CECR2: variants seen among roughly 807,000 people sequenced by gnomAD.
CECR2 encodes chromatin remodeling regulator CECR2.
A neutral mutation model predicts 154.5 loss-of-function variants in CECR2; 30 were observed. The ratio of observed to expected loss-of-function variants is 0.19; its 90% confidence interval spans 0.15 to 0.26. The LOEUF is 0.26. Among genes scored for constraint, CECR2 ranks in the 10% least tolerant of loss-of-function variants. The pLI is 1.00. For synonymous variants in CECR2, 725 were observed against 683.7 expected, an observed-to-expected ratio of 1.06 and a Z score of -0.94; for missense variants, 1,743 against 1,829.3, an observed-to-expected ratio of 0.95 and a Z score of 0.86.
intron 6 of CECR2, among the ~76,000 whole-genome samples, chr22:17,503,631 GT>G (rs2055779847): frequency 6.6e-6 from 1 of 152,184 alleles, no homozygotes; most frequent in Non-Finnish European, 1.5e-5. Context: ...TTTCTAGACT[GT>G]GAATATCTAT....
At chr22:17,380,301 C>A (rs2063172209) in intron 1 of CECR2, among the ~76,000 whole-genome samples, 1 of 152,114 alleles carries the variant, frequency 6.6e-6, no homozygotes, top group African/African-American at 2.4e-5. Context: ...ACTTCGTTAG[C>A]CATACACTCA....
At chr22:17,429,115 AGGG>A (rs1221673321) in intron 1 of CECR2, among the ~76,000 whole-genome samples, 1 of 152,052 alleles carries the variant, frequency 6.6e-6, no homozygotes, top group Non-Finnish European at 1.5e-5. Flanking sequence ...TTGGTGGGAT[AGGG>A]GAGAGTCTGG....
chr22:17,440,180 A>G (rs568467277), intron 1 of CECR2, among the ~76,000 whole-genome samples: 1 of 151,990 alleles, frequency 6.6e-6, no homozygotes, highest in Non-Finnish European at 1.5e-5. Flanking sequence ...AATGAATAGT[A>G]TGATTGTTTT....
intron 1 of CECR2, among the ~76,000 whole-genome samples, chr22:17,442,678 G>A (rs2054602952): frequency 6.6e-6 from 1 of 152,176 alleles, no homozygotes; most frequent in African/African-American, 2.4e-5. Flanking sequence ...CTCCCGAGTA[G>A]CTGGGATTAC....
In CECR2 at chr22:17,549,323, G is replaced by A; in HGVS notation, c.4036G>A (p.Gly1346Arg). ...ACCCCACAGTGTGATGCTGCAGACG[G>A]GGCCTCCCTATACCCCTCAGCGGCC... ...FPPHSVMLQT[G>R]PPYTPQRPAS... Residue 1346 changes from glycine to arginine, a missense_variant, in exon 17 of 19, where the codon GGG (glycine) becomes AGG (arginine). Coordinates refer to ENST00000262608, the MANE Select transcript of CECR2 (RefSeq NM_001290047.2). 1.2e-6 allele frequency: 2 copies of A among 1,613,882 alleles called. No homozygotes were observed. The highest frequency in any genetic ancestry group is 1.3e-5 in the African/African-American group (1 of 75,018).
chr22:17,548,897 G>A lies in CECR2; in HGVS notation c.3610G>A (p.Ala1204Thr), dbSNP rs765878345. Residue 1204 changes from alanine (A) to threonine (T), a missense_variant, in exon 17 of 19, where the codon GCC becomes ACC. This residue lies in a region of CECR2 where 1,250 missense variants were observed against 1,192.1 expected (regional missense o/e 1.05). Coordinates refer to ENST00000262608, the MANE Select transcript of CECR2 (RefSeq NM_001290047.2). ...YHHYQRTPYY[A>T]CPQSFSDWQR... ...CCACTATCAGCGAACTCCTTACTAT[G>A]CCTGTCCACAGAGCTTTTCTGACTG... 4 of 1,613,218 alleles carry A rather than the reference G, an allele frequency of 2.5e-6. No individual in the cohort carries two copies. The highest frequency in any genetic ancestry group is 1.7e-5 in the Admixed American group (1 of 59,940).
chr22:17,528,793 C>T (rs573768773), intron 9 of CECR2, among the ~76,000 whole-genome samples: 10 of 152,318 alleles, frequency 6.6e-5, no homozygotes, highest in Admixed American at 6.5e-4. Flanking sequence ...GCCTCAGCCT[C>T]CCAAAGTGCT....
At chr22:17,370,763 C>G (rs1487921988) in intron 1 of CECR2, among the ~76,000 whole-genome samples, 1 of 152,212 alleles carries the variant, frequency 6.6e-6, no homozygotes, top group East Asian at 1.9e-4. Flanking sequence ...GCGCGGCGCA[C>G]TCGGCGGCCA....
At chr22:17,386,296 G>A (rs1211030992) in intron 1 of CECR2, among the ~76,000 whole-genome samples, 1 of 152,162 alleles carries the variant, frequency 6.6e-6, no homozygotes, top group East Asian at 1.9e-4. Context: ...CATTCTGCTG[G>A]AAGGAGAGAG....
chr22:17,419,835 T>G, intron 1 of CECR2: 1 of 281,236 alleles, frequency 3.6e-6, no homozygotes, highest in Non-Finnish European at 7.0e-6. Flanking sequence ...GATTAGAGGA[T>G]TGAGTTTCGA....
upstream of CECR2, among the ~76,000 whole-genome samples, chr22:17,367,963 C>T (rs139667259): frequency 2.4e-3 from 359 of 152,238 alleles, 1 homozygote; most frequent in African/African-American, 8.4e-3. Context: ...CACTTTAAAT[C>T]ATCAAATAGT....
At chr22:17,520,827 C>G (rs1290656530) in intron 8 of CECR2, among the ~76,000 whole-genome samples, 1 of 152,082 alleles carries the variant, frequency 6.6e-6, no homozygotes, top group African/African-American at 2.4e-5. Flanking sequence ...TCCAGTCTAT[C>G]ATTGATGTCC....
Position 17,520,010 on chromosome 22 carries a change from C to G in CECR2, c.955-4108C>G, listed in dbSNP as rs112699645. Reference sequence around the variant, plus strand: ...TTCACCATGTTTACCAGGATGGTCTCAATCTCTTAACCTCATGATCCACCC... The same window carrying G: ...TTCACCATGTTTACCAGGATGGTCTGAATCTCTTAACCTCATGATCCACCC... On this transcript the variant is annotated intron_variant, in intron 8 of 18. Transcript: ENST00000262608. 4.0e-3 allele frequency among the ~76,000 whole-genome samples: 612 copies of G among 152,030 alleles called. 5 individuals are homozygous for G. Among genetic ancestry groups the G allele is most frequent in the Non-Finnish European group, 7.4e-3 (503 of 67,962 alleles).
Position 17,400,545 on chromosome 22 carries a change from T to C in CECR2, c.126+30636T>C, listed in dbSNP as rs954301132. 4.6e-5 allele frequency among the ~76,000 whole-genome samples: 7 copies of C among 152,206 alleles called. No individual in the cohort carries two copies. The East Asian group carries it at 1.2e-3, about 25-fold the overall frequency. ...TGAGTGATTTCATTTCTGAAGTCTT[T>C]GTTTTATGGCGGAGCTGCATTCTGA... is the stretch of plus-strand genomic sequence containing the variant. On this transcript the variant is annotated intron_variant, in intron 1 of 18. Coordinates refer to ENST00000262608, the MANE Select transcript of CECR2 (RefSeq NM_001290047.2).
intron 8 of CECR2, among the ~76,000 whole-genome samples, chr22:17,517,935 C>G (rs73159546): frequency 0.016 from 2,390 of 152,306 alleles, 23 homozygotes; most frequent in Middle Eastern, 0.034. Context: ...TACAGGCCTT[C>G]ACTCAGTCAC....
chr22:17,519,204 G>A (rs560888379), intron 8 of CECR2, among the ~76,000 whole-genome samples: 46 of 152,196 alleles, frequency 3.0e-4, no homozygotes, highest in African/African-American at 1.1e-3. Context: ...TGGGGAGTGG[G>A]GAGGGGCCTG....
intron 1 of CECR2, among the ~76,000 whole-genome samples, chr22:17,376,925 C>T (rs927170115): frequency 9.2e-5 from 14 of 152,072 alleles, no homozygotes; most frequent in African/African-American, 1.9e-4. Flanking sequence ...CATGAGCCAC[C>T]GCTCCCAGCC....
chr22:17,450,287 T>G (rs2054747748), intron 1 of CECR2, among the ~76,000 whole-genome samples: 1 of 152,192 alleles, frequency 6.6e-6, no homozygotes, highest in East Asian at 1.9e-4. Context: ...TTTGTTGTTG[T>G]TTTAGATGGA....
chr22:17,388,850 G>A (rs1186830023), intron 1 of CECR2, among the ~76,000 whole-genome samples: 3 of 151,836 alleles, frequency 2.0e-5, no homozygotes, highest in Non-Finnish European at 4.4e-5. Context: ...GTCTCACTCT[G>A]TCGCCCAGGC....
Sources: gnomAD v4.1 joint callset for allele counts (sites outside exome capture counted in the v4.1 genomes callset) on GRCh38, gnomAD v4.1.1 for gene constraint, gnomAD v4.1.1 regional missense constraint, MANE v1.5 for transcripts, NCBI Gene and HGNC (gene_info 2026-07-23, HGNC 2026-07-21) for gene names.